The following TRPM6 variants were observed in gnomAD, a reference collection of about 807,000 sequenced individuals.
The protein encoded by TRPM6 is transient receptor potential cation channel subfamily M member 6.
TRPM6 carries 111 observed loss-of-function variants against 247.6 expected under a neutral mutation model. That is an observed-to-expected ratio of 0.45 (90% CI 0.38 to 0.52). The LOEUF (loss-of-function observed/expected upper bound fraction) is 0.52. TRPM6 is among the 20% of genes least tolerant of loss of function. The pLI is 0.00. For synonymous variants in TRPM6, 892 were observed against 853.8 expected (o/e 1.04, Z -0.78); for missense variants, 2,126 against 2,421.5 (o/e 0.88, Z 2.56).
intron 1 of TRPM6, chr9:74,887,426 T>G: frequency 3.3e-6 from 4 of 1,198,454 alleles, no homozygotes; most frequent in Non-Finnish European, 4.5e-6. Flanking sequence ...CTCCTCCGGA[T>G]TCTCAGCTCA....
intron 3 of TRPM6, among the ~76,000 whole-genome samples, chr9:74,847,444 A>G (rs1448206161): frequency 6.6e-6 from 1 of 152,058 alleles, no homozygotes; most frequent in African/African-American, 2.4e-5. Context: ...AGTCTCCCAA[A>G]GTGCTGGGAT....
intron 1 of TRPM6, among the ~76,000 whole-genome samples, chr9:74,873,722 T>C (rs1174215295): frequency 1.3e-5 from 2 of 152,178 alleles, no homozygotes; most frequent in Non-Finnish European, 2.9e-5. Flanking sequence ...TCATCTTAAA[T>C]TATAAAGATT....
chr9:74,730,268 C>T (rs1382459210), intron 37 of TRPM6, among the ~76,000 whole-genome samples: 1 of 152,060 alleles, frequency 6.6e-6, no homozygotes, highest in Non-Finnish European at 1.5e-5. Context: ...GTCAAATGCC[C>T]AAAACTATCA....
In TRPM6 at chr9:74,812,566, GA is replaced by G. The variant is rs34491796; in HGVS notation, c.1309-134del. On this transcript the variant is annotated intron_variant, in intron 11 of 38. Transcript: ENST00000360774. ...TAAAATCCTGCCATCAGTGGGTACAGAAAAAAAAAAAAAAGGAAAAAATTTA... is the reference window on the plus strand; with the variant it reads ...TAAAATCCTGCCATCAGTGGGTACAGAAAAAAAAAAAAAGGAAAAAATTTA... 0.28 allele frequency: 168,889 copies of G among 613,060 alleles called. 4,428 individuals carry two copies. The highest frequency in any genetic ancestry group is 0.3 in the South Asian group (14,405 of 48,134). The allele number at this position is 613,060 out of a possible 1,614,324, so 38.0% of individuals were successfully genotyped here.
At chr9:74,796,955 T>C in intron 17 of TRPM6, 62 bp from the exon 18 acceptor site, 1 of 1,423,046 alleles carries the variant, frequency 7.0e-7, no homozygotes. Flanking sequence ...ACTAGACAAA[T>C]AACAAAATTA....
chr9:74,762,718 T>G lies in TRPM6; in HGVS notation c.3953A>C (p.Glu1318Ala). ...TATACTACTTTGTGTTTCTTGCCTT[T>G]CCTGGTCATTTCTTACATTTGTAGC... ...REATNVRNDQ[E>A]RQETQSSIVV... The change falls in exon 26 of 39, where the codon GAA (glutamate) becomes GCA (alanine). Residue 1318 changes from glutamate (E) to alanine (A), a missense_variant. Physicochemically the swap from Glu to Ala is moderately radical, Grantham distance 107. This residue lies in a region of TRPM6 where 717 missense variants were observed against 715.9 expected (regional missense o/e 1.00). Transcript: ENST00000360774. The G allele has an allele frequency of 6.2e-7, 1 of 1,614,178 alleles. No individual in the cohort carries two copies. Among genetic ancestry groups the G allele is most frequent in the Non-Finnish European group, 8.5e-7 (1 of 1,180,038 alleles).
intron 27 of TRPM6, among the ~76,000 whole-genome samples, chr9:74,757,015 T>C (rs531760166): frequency 6.0e-5 from 9 of 151,024 alleles, no homozygotes; most frequent in Admixed American, 3.3e-4. Context: ...TGGCCAAAAC[T>C]GAAAATACAA....
At chr9:74,800,685 T>A (rs1828295105) in intron 16 of TRPM6, among the ~76,000 whole-genome samples, 1 of 151,248 alleles carries the variant, frequency 6.6e-6, no homozygotes. Context: ...AGAAACTATT[T>A]GAAAGGAATT....
chr9:74,841,188 T>A (rs1378437083), intron 4 of TRPM6, among the ~76,000 whole-genome samples: 1 of 152,224 alleles, frequency 6.6e-6, no homozygotes, highest in Non-Finnish European at 1.5e-5. Context: ...AAAGAAAAGA[T>A]GAGGGAAATC....
At chr9:74,801,549 T>C (rs1330122962) in intron 16 of TRPM6, among the ~76,000 whole-genome samples, 1 of 152,244 alleles carries the variant, frequency 6.6e-6, no homozygotes, top group South Asian at 2.1e-4. Context: ...GAAAACAATG[T>C]CTTAATTTAA....
At chr9:74,870,645 T>A (rs1830992413) in intron 1 of TRPM6, among the ~76,000 whole-genome samples, 1 of 152,054 alleles carries the variant, frequency 6.6e-6, no homozygotes, top group Admixed American at 6.6e-5. Context: ...CTCCACGGGC[T>A]GGGCGCAGTG....
intron 25 of TRPM6, among the ~76,000 whole-genome samples, chr9:74,769,372 C>T (rs1343842847): frequency 6.6e-6 from 1 of 152,090 alleles, no homozygotes; most frequent in African/African-American, 2.4e-5. Context: ...TAGTGTTGAG[C>T]TCCTGATGTC....
At chr9:74,872,600 T>TTTTGTGTGTG (rs1554737834) in intron 1 of TRPM6, among the ~76,000 whole-genome samples, 1 of 150,088 alleles carries the variant, frequency 6.7e-6, no homozygotes, top group Non-Finnish European at 1.5e-5. Flanking sequence ...CCAGCAAATT[T>TTTTGTGTGTG]TGTGTGTGTG....
At chr9:74,726,605 G>A (rs533099692) in intron 38 of TRPM6, among the ~76,000 whole-genome samples, 3 of 152,340 alleles carry the variant, frequency 2.0e-5, no homozygotes, top group African/African-American at 4.8e-5. Flanking sequence ...TGAGCTCAAG[G>A]ATTGGAAGTA....
At chr9:74,800,683 T>A (rs775941115) in intron 16 of TRPM6, among the ~76,000 whole-genome samples, 1 of 150,872 alleles carries the variant, frequency 6.6e-6, no homozygotes, top group Non-Finnish European at 1.5e-5. Context: ...CCAGAAACTA[T>A]TTGAAAGGAA....
intron 1 of TRPM6, 30 bp from the exon 2 acceptor site, chr9:74,858,778 C>T (rs774588899): frequency 3.2e-5 from 49 of 1,526,766 alleles, no homozygotes; most frequent in Non-Finnish European, 4.4e-5. Flanking sequence ...ATTTTATACT[C>T]TAATTATGTG....
intron 25 of TRPM6, among the ~76,000 whole-genome samples, chr9:74,769,270 T>C (rs933566852): frequency 1.3e-5 from 2 of 152,084 alleles, no homozygotes; most frequent in African/African-American, 4.8e-5. Context: ...CTCAGCATCC[T>C]GAGCAGCTGG....
chr9:74,751,684 G>T (rs1826252387), intron 29 of TRPM6, among the ~76,000 whole-genome samples: 1 of 152,284 alleles, frequency 6.6e-6, no homozygotes, highest in Non-Finnish European at 1.5e-5. Context: ...TGCAAAACCG[G>T]AGAATCTCAG....
intron 1 of TRPM6, among the ~76,000 whole-genome samples, chr9:74,882,656 T>C (rs1831399423): frequency 6.6e-6 from 1 of 152,180 alleles, no homozygotes; most frequent in Non-Finnish European, 1.5e-5. Flanking sequence ...CATACACTGT[T>C]GATAGGAATG....
Sources: gnomAD v4.1 joint callset for allele counts (sites outside exome capture counted in the v4.1 genomes callset) on GRCh38, gnomAD v4.1.1 for gene constraint, gnomAD v4.1.1 regional missense constraint, MANE v1.5 for transcripts, NCBI Gene and HGNC (gene_info 2026-07-23, HGNC 2026-07-21) for gene names.